The following MECR variants were observed in gnomAD, a reference collection of about 807,000 sequenced individuals.
MECR encodes the protein mitochondrial trans-2-enoyl-CoA reductase, also known as enoyl-[acyl-carrier-protein] reductase, mitochondrial.
In MECR, 37 loss-of-function variants were observed where a neutral mutation model predicts 49.1. The ratio of observed to expected loss-of-function variants is 0.75; its 90% CI spans 0.58 to 0.99. The LOEUF (loss-of-function observed/expected upper bound fraction) is 0.99, where lower values mean the gene tolerates loss of function less well. Among genes scored for constraint, MECR ranks in the 50% least tolerant of loss-of-function variants. The pLI is 0.00. For missense variants in MECR, 470 were observed against 479.6 expected, an observed-to-expected ratio of 0.98 and a Z score of 0.19; for synonymous variants, 198 against 191.1, an observed-to-expected ratio of 1.04 and a Z score of -0.30.
intron 3 of MECR, among the ~76,000 whole-genome samples, chr1:29,211,082 T>C (rs1028235851): frequency 8.7e-6 from 1 of 115,544 alleles, no homozygotes; most frequent in African/African-American, 3.2e-5. Flanking sequence ...TTTTTGTAAA[T>C]AAAGGGTTTT....
At chr1:29,223,328 A>T (rs938269394) in intron 1 of MECR, 2 of 977,456 alleles carry the variant, frequency 2.0e-6, no homozygotes, top group African/African-American at 1.8e-5. Flanking sequence ...GAGAGGGGGG[A>T]AAAGAGGCCA....
chr1:29,215,110 C>G (rs1319267977), intron 3 of MECR, among the ~76,000 whole-genome samples: 1 of 152,176 alleles, frequency 6.6e-6, no homozygotes, highest in Non-Finnish European at 1.5e-5. Flanking sequence ...AACTCCTGGG[C>G]TCACGTGATT....
At chr1:29,182,516 C>T in the MECR span, among the ~76,000 whole-genome samples, 6 of 151,916 alleles carry the variant, frequency 3.9e-5, no homozygotes, top group Admixed American at 2.6e-4. Context: ...CTAGGCATGA[C>T]GCCGAGTAAA....
downstream of MECR, among the ~76,000 whole-genome samples, chr1:29,187,852 T>C (rs200236313): frequency 8.0e-5 from 12 of 149,612 alleles, no homozygotes; most frequent in Non-Finnish European, 1.6e-4. Flanking sequence ...CTGGCTAACA[T>C]GGTGAAACCC....
chr1:29,210,318 C>G (rs1275562270), intron 3 of MECR, among the ~76,000 whole-genome samples: 2 of 152,142 alleles, frequency 1.3e-5, no homozygotes, highest in Non-Finnish European at 2.9e-5. Context: ...GGCCCAGGAA[C>G]ACTTTTTATA....
At chr1:29,176,181 G>A in the MECR span, among the ~76,000 whole-genome samples, 1 of 152,050 alleles carries the variant, frequency 6.6e-6, no homozygotes, top group Non-Finnish European at 1.5e-5. Context: ...GAACCCAAAA[G>A]GCGGAAGTTG....
chr1:29,211,251 T>C (rs1281644785), intron 3 of MECR, among the ~76,000 whole-genome samples: 13 of 152,194 alleles, frequency 8.5e-5, no homozygotes, highest in African/African-American at 3.1e-4. Context: ...TAATTTTTTG[T>C]AGAGATGGAC....
At chr1:29,187,880 C>G (rs1487488739), downstream of MECR, among the ~76,000 whole-genome samples, 2 of 147,740 alleles carry the variant, frequency 1.4e-5, no homozygotes, top group Non-Finnish European at 3.0e-5. Context: ...ACTAAAAATA[C>G]AAAAAAATTA....
Position 29,193,226 on chromosome 1 carries a change from T to G in MECR, c.*796A>C. The G allele has an allele frequency of 5.4e-6, 1 of 186,570 alleles. No individual in the cohort carries two copies. The highest frequency in any genetic ancestry group is 4.2e-5 in the Admixed American group (1 of 23,660). The allele number at this position is 186,570 out of a possible 1,614,324, so 11.6% of individuals were successfully genotyped here. ...TCCCAAAGTGCTGGGATTACAGGTG[T>G]GAGCCACCGCGCCAGGCCTTGGGTA... On this transcript the variant is annotated 3_prime_UTR_variant, in exon 10 of 10. Transcript: ENST00000263702.
rs1228230288 is a variant in MECR, at chr1:29,201,670, A to G, written c.756+273T>C. On this transcript the variant is annotated intron_variant, in intron 6 of 9. Coordinates refer to ENST00000263702, the MANE Select transcript of MECR (RefSeq NM_016011.5). This position sits in a 1 kb window ranked among gnomAD's most constrained non-coding sequence, Gnocchi z 4.3. ...CTCCTGCCAGTTCTAAGAGTCACAC[A>G]TGTGGGCTGATGCGGCCCACCACAA... Among the ~76,000 whole-genome samples the G allele has an allele frequency of 6.6e-6, 1 of 152,188 alleles. No individual in the cohort carries two copies. Among genetic ancestry groups the G allele is most frequent in the Non-Finnish European group, 1.5e-5 (1 of 68,034 alleles).
intron 1 of MECR, among the ~76,000 whole-genome samples, chr1:29,227,905 C>T (rs534889147): frequency 1.3e-5 from 2 of 152,138 alleles, no homozygotes; most frequent in African/African-American, 2.4e-5. Flanking sequence ...TTCTGGAGCA[C>T]GGAGAGAATT....
At chr1:29,169,750 T>A in the MECR span, 1 of 152,162 alleles carries the variant, frequency 6.6e-6, no homozygotes, top group African/African-American at 2.4e-5. Context: ...GAGTCCACAT[T>A]GCAGATAACA....
At chr1:29,181,926 C>A in the MECR span, 1 of 436,658 alleles carries the variant, frequency 2.3e-6, no homozygotes, top group East Asian at 4.0e-5. Flanking sequence ...GCTTCCACTT[C>A]CCCCGCCCTT....
chr1:29,213,126 G>A, intron 3 of MECR, among the ~76,000 whole-genome samples: 1 of 152,214 alleles, frequency 6.6e-6, no homozygotes, highest in Middle Eastern at 3.2e-3. Flanking sequence ...ATACTGTATT[G>A]TATTAAGTGT....
the MECR span, chr1:29,181,830 A>T: frequency 8.0e-7 from 1 of 1,248,012 alleles, no homozygotes; most frequent in Non-Finnish European, 1.0e-6. Context: ...GCACGGCGGC[A>T]GCGGCGGCGG....
chr1:29,171,405 T>C, the MECR span: 9 of 147,872 alleles, frequency 6.1e-5, no homozygotes, highest in Admixed American at 6.2e-4. Context: ...AATGCCCACA[T>C]GTATCTAGTA....
chr1:29,179,318 A>T, the MECR span, among the ~76,000 whole-genome samples: 3 of 152,224 alleles, frequency 2.0e-5, no homozygotes, highest in African/African-American at 7.2e-5. Context: ...TGACATTAAA[A>T]AAATATTTTT....
chr1:29,221,919 G>A (rs1384443884), intron 1 of MECR, among the ~76,000 whole-genome samples: 1 of 152,142 alleles, frequency 6.6e-6, no homozygotes, highest in African/African-American at 2.4e-5. Context: ...TCCTCAAAAT[G>A]CCTATGTGGA....
At chr1:29,216,428 A>G (rs1679421989) in intron 2 of MECR, among the ~76,000 whole-genome samples, 160 bp downstream of exon 2, 1 of 152,226 alleles carries the variant, frequency 6.6e-6, no homozygotes, top group Non-Finnish European at 1.5e-5. Context: ...ATTCCAGAAA[A>G]GGGAGGCCAG....
Sources: gnomAD v4.1 joint callset for allele counts (sites outside exome capture counted in the v4.1 genomes callset) on GRCh38, gnomAD v4.1.1 for gene constraint, Gnocchi (gnomAD v3.1) non-coding constraint, MANE v1.5 for transcripts, NCBI Gene and HGNC (gene_info 2026-07-23, HGNC 2026-07-21) for gene names.